FAM20B: variants seen among roughly 807,000 people sequenced by gnomAD.
The protein encoded by FAM20B is FAM20B glycosaminoglycan xylosylkinase.
In FAM20B, 23 loss-of-function variants were observed where a neutral mutation model predicts 43.8. That is an observed-to-expected ratio of 0.53 (90% CI 0.38 to 0.74). The LOEUF (loss-of-function observed/expected upper bound fraction) is 0.74, where lower values mean the gene tolerates loss of function less well. FAM20B is among the 30% of genes least tolerant of loss of function. The pLI is 0.00. For missense variants in FAM20B, 440 were observed against 510.5 expected (o/e 0.86, Z 1.33); for synonymous variants, 178 against 192.4 (o/e 0.93, Z 0.62).
chr1:179,021,448 A>G (rs540926663), upstream of FAM20B, among the ~76,000 whole-genome samples: 166 of 152,376 alleles, frequency 1.1e-3, no homozygotes, highest in African/African-American at 3.8e-3. Flanking sequence ...TTGAAAAGCC[A>G]TATGTGGCAT....
At chr1:179,049,127 C>T (rs1650895939) in intron 2 of FAM20B, among the ~76,000 whole-genome samples, 1 of 152,136 alleles carries the variant, frequency 6.6e-6, no homozygotes, top group African/African-American at 2.4e-5. Context: ...TAAATTCTAT[C>T]TTTTAAAATG....
chr1:179,074,163 A>G lies in FAM20B; in HGVS notation c.*2019A>G, dbSNP rs1267278552. 6.5e-6 allele frequency: 1 copy of G among 152,686 alleles called. No homozygotes were observed. The highest frequency in any genetic ancestry group is 1.5e-5 in the Non-Finnish European group (1 of 68,050). The allele number at this position is 152,686 out of a possible 1,614,324, so 9.5% of individuals were successfully genotyped here. The stretch of plus-strand genomic sequence containing the variant: ...TAGGAAACTTTTGTACATTTTATAT[A>G]CATTTTGAGATGAACAGAACAATGG... On this transcript the variant is annotated 3_prime_UTR_variant, in exon 8 of 8. Coordinates refer to ENST00000263733, the MANE Select transcript of FAM20B (RefSeq NM_014864.4).
At chr1:179,027,164 T>C (rs1203520877) in intron 1 of FAM20B, among the ~76,000 whole-genome samples, 2 of 152,202 alleles carry the variant, frequency 1.3e-5, no homozygotes, top group Admixed American at 1.3e-4. Context: ...GCCTTTAGCC[T>C]TTAAACTGTA....
chr1:179,055,628 T>C (rs139093578), intron 4 of FAM20B, among the ~76,000 whole-genome samples: 118 of 152,324 alleles, frequency 7.7e-4, no homozygotes, highest in African/African-American at 2.6e-3. Context: ...CATGAATTCC[T>C]GGTGGGTGCT....
In FAM20B at chr1:179,043,932, G is replaced by C; in HGVS notation, c.85G>C (p.Asp29His). 6.2e-7 allele frequency: 1 copy of C among 1,613,956 alleles called. No homozygotes were observed. Among genetic ancestry groups the C allele is most frequent in the Non-Finnish European group, 8.5e-7 (1 of 1,179,850 alleles). ...CAAAGTTTTCCTGATTGACAACTTA[G>C]ATACATCAGCTGCCAACCGGGAGGA... Reference protein sequence around the residue: ...FTKVFLIDNLDTSAANREDQR... With the variant: ...FTKVFLIDNLHTSAANREDQR... Residue 29 changes from aspartate (D) to histidine (H), a missense_variant, in exon 2 of 8, where the codon GAT becomes CAT. Transcript: ENST00000263733.
intron 7 of FAM20B, among the ~76,000 whole-genome samples, chr1:179,070,857 T>A (rs1428653604): frequency 6.6e-6 from 1 of 151,162 alleles, no homozygotes; most frequent in East Asian, 2.0e-4. Context: ...GTTCCACCCA[T>A]GAGGGCAGAG....
intron 7 of FAM20B, among the ~76,000 whole-genome samples, chr1:179,069,786 A>G (rs1227305125): frequency 1.3e-5 from 2 of 152,224 alleles, no homozygotes; most frequent in Non-Finnish European, 2.9e-5. Flanking sequence ...AAGAATAAAA[A>G]TAACTGTACT....
intron 4 of FAM20B, among the ~76,000 whole-genome samples, chr1:179,061,076 ATT>A (rs67897742): frequency 0.14 from 18,144 of 126,034 alleles, 1,178 homozygotes; most frequent in East Asian, 0.29. Flanking sequence ...TCTTTGTCGA[ATT>A]TTTTTTTTTT....
At chr1:179,020,154 TACACACACACACACAC>T in the FAM20B span, among the ~76,000 whole-genome samples, 3,177 of 148,712 alleles carry the variant, frequency 0.021, 131 homozygotes, top group African/African-American at 0.075. Flanking sequence ...TGTGTGTGTA[TACACACACACACACAC>T]ACACACACAC....
intron 2 of FAM20B, among the ~76,000 whole-genome samples, chr1:179,049,756 G>A (rs1365072640): frequency 6.6e-6 from 1 of 152,222 alleles, no homozygotes. Context: ...TGGCCAGGCT[G>A]TTCTCGAACT....
chr1:179,049,743 T>C (rs2102504895), intron 2 of FAM20B, among the ~76,000 whole-genome samples: 1 of 152,348 alleles, frequency 6.6e-6, no homozygotes, highest in South Asian at 2.1e-4. Flanking sequence ...GGTTTCGCCA[T>C]GTTGGCCAGG....
chr1:179,022,801 C>G (rs925866846), upstream of FAM20B, among the ~76,000 whole-genome samples: 1 of 152,110 alleles, frequency 6.6e-6, no homozygotes, highest in African/African-American at 2.4e-5. Context: ...GACAGATCCC[C>G]AAAGACTTCA....
At chr1:179,017,335 G>C in the FAM20B span, among the ~76,000 whole-genome samples, 17 of 152,338 alleles carry the variant, frequency 1.1e-4, no homozygotes, top group African/African-American at 4.1e-4. Context: ...GGCAGCCTCA[G>C]CTCCTGTTGG....
At chr1:179,036,107 G>T (rs1650216479) in intron 1 of FAM20B, among the ~76,000 whole-genome samples, 2 of 152,136 alleles carry the variant, frequency 1.3e-5, no homozygotes, top group African/African-American at 4.8e-5. Context: ...TCCAGCCTGG[G>T]TGACAGAGCG....
intron 2 of FAM20B, among the ~76,000 whole-genome samples, chr1:179,047,544 C>T (rs1303592849): frequency 6.6e-6 from 1 of 152,236 alleles, no homozygotes; most frequent in Non-Finnish European, 1.5e-5. Flanking sequence ...TGTCCACTCC[C>T]AGCAACAGGG....
upstream of FAM20B, among the ~76,000 whole-genome samples, chr1:179,022,105 C>T (rs968138596): frequency 1.4e-4 from 21 of 152,190 alleles, no homozygotes; most frequent in African/African-American, 4.8e-4. Flanking sequence ...AAGCAAGAGG[C>T]GGGCTGGGAG....
chr1:179,052,718 A>G lies in FAM20B; in HGVS notation c.465-1811A>G, dbSNP rs566116676. ...TAGATATGTGTGTACAATACCATGA[A>G]TTTTTGCTGCCCCTTTTAAGACCTA... On this transcript the variant is annotated intron_variant, in intron 3 of 7. Transcript: ENST00000263733. 3.3e-5 allele frequency among the ~76,000 whole-genome samples: 5 copies of G among 152,292 alleles called. No homozygotes were observed. In the South Asian group the frequency reaches 1.0e-3, roughly 32 times the overall value.
chr1:179,046,831 C>T (rs967941665), intron 2 of FAM20B, among the ~76,000 whole-genome samples: 2 of 152,054 alleles, frequency 1.3e-5, no homozygotes, highest in East Asian at 1.9e-4. Context: ...GCTGAAACCC[C>T]GTTTCTACTA....
chr1:179,026,350 CGGTCGCGGCTGAAG>C (rs1288584117), intron 1 of FAM20B, among the ~76,000 whole-genome samples: 1 of 151,890 alleles, frequency 6.6e-6, no homozygotes, highest in Non-Finnish European at 1.5e-5. Context: ...TCCCTGTGTG[CGGTCGCGGCTGAAG>C]GGACGCGGCC....
Sources: allele counts gnomAD v4.1 joint callset (sites outside exome capture counted in the v4.1 genomes callset), GRCh38; gene constraint gnomAD v4.1.1; transcripts MANE v1.5; gene names NCBI Gene and HGNC (gene_info 2026-07-23, HGNC 2026-07-21).